The following ADCY10 variants were observed in gnomAD, a reference collection of about 807,000 sequenced individuals.
The protein encoded by ADCY10 is adenylate cyclase 10.
ADCY10 carries 156 observed loss-of-function variants against 183.3 expected under a neutral mutation model. The ratio of observed to expected loss-of-function variants is 0.85; its 90% CI spans 0.75 to 0.97. The LOEUF (loss-of-function observed/expected upper bound fraction) is 0.97. ADCY10 is among the 50% of genes least tolerant of loss of function. The probability of loss-of-function intolerance (pLI) is 0.00; values close to 1 mark genes in which losing one functional copy is unlikely to be tolerated. For missense variants in ADCY10, 1,745 were observed against 1,934.3 expected, an observed-to-expected ratio of 0.90 and a Z score of 1.84; for synonymous variants, 645 against 670.0, an observed-to-expected ratio of 0.96 and a Z score of 0.58.
chr1:167,855,623 T>C (rs951871722), intron 17 of ADCY10, among the ~76,000 whole-genome samples: 10 of 152,172 alleles, frequency 6.6e-5, no homozygotes, highest in African/African-American at 2.4e-4. Flanking sequence ...AAATAGAGCT[T>C]TTCACTAAGC....
At chr1:167,894,501 A>G (rs1668820004) in intron 7 of ADCY10, among the ~76,000 whole-genome samples, 1 of 152,086 alleles carries the variant, frequency 6.6e-6, no homozygotes, top group Non-Finnish European at 1.5e-5. Flanking sequence ...TGATAGTTTT[A>G]TGCTCTAGGA....
chr1:167,869,063 G>A (rs989545746), intron 14 of ADCY10, among the ~76,000 whole-genome samples: 24 of 152,146 alleles, frequency 1.6e-4, no homozygotes, highest in Admixed American at 7.9e-4. Flanking sequence ...TCAAAGGCAA[G>A]TAGTTAAAGA....
chr1:167,880,412 T>C (rs1157495307), intron 10 of ADCY10, 79 bp downstream of exon 10: 1 of 1,120,498 alleles, frequency 8.9e-7, no homozygotes, highest in Non-Finnish European at 1.4e-6. Context: ...CTTCTTTCTT[T>C]CCTGTTCCCT....
At chr1:167,905,573 C>A in intron 1 of ADCY10, among the ~76,000 whole-genome samples, 1 of 150,876 alleles carries the variant, frequency 6.6e-6, no homozygotes. Flanking sequence ...CTCTCTCTAC[C>A]TTGGTCTTTT....
chr1:167,846,097 G>A lies in ADCY10; in HGVS notation c.2604C>T (p.Asn868=). The A allele has an allele frequency of 6.2e-7, 1 of 1,614,180 alleles. No homozygotes were observed. The highest frequency in any genetic ancestry group is 8.5e-7 in the Non-Finnish European group (1 of 1,180,036). Reference sequence around the variant, plus strand: ...TGCCATTCCGGAAACAATAAAAAATGTTAGATTCCACTAGGGTTGCCAGGG... The same window carrying A: ...TGCCATTCCGGAAACAATAAAAAATATTAGATTCCACTAGGGTTGCCAGGG... ...IKTLATLVES[N]IFYCFRNGKE... The change falls in exon 20 of 33, where the codon AAC becomes AAT. Residue 868 remains asparagine (N), a synonymous_variant. Transcript: ENST00000367851.
At chr1:167,863,872 T>C (rs1571337686) in intron 14 of ADCY10, among the ~76,000 whole-genome samples, 1 of 152,222 alleles carries the variant, frequency 6.6e-6, no homozygotes, top group Non-Finnish European at 1.5e-5. Flanking sequence ...CCCACTCCAT[T>C]TGAGTGGAAG....
At chr1:167,850,665 G>A (rs1289789833) in intron 18 of ADCY10, among the ~76,000 whole-genome samples, 1 of 72,554 alleles carries the variant, frequency 1.4e-5, no homozygotes, top group Non-Finnish European at 3.2e-5. Context: ...AGGGGGCCGT[G>A]TGTGTGTGTG....
Position 167,861,069 on chromosome 1 carries a change from T to A in ADCY10, c.1617-6A>T, listed in dbSNP as rs566162437. ...TCAATGAAATGGCAATAATCCTGTTTGTGAGAAAATCAAGAAACAGAAGAG... is the reference window on the plus strand; with the variant it reads ...TCAATGAAATGGCAATAATCCTGTTAGTGAGAAAATCAAGAAACAGAAGAG... On this transcript the variant is annotated splice_region_variant and splice_polypyrimidine_tract_variant and intron_variant, in intron 14 of 32. Coordinates refer to ENST00000367851, the MANE Select transcript of ADCY10 (RefSeq NM_018417.6). 3.1e-6 allele frequency: 5 copies of A among 1,612,948 alleles called. No homozygotes were observed. In the East Asian group the frequency reaches 8.9e-5, roughly 29 times the overall value.
At position 167,845,836 on chromosome 1, in the gene ADCY10, G is replaced by A. The variant is rs1664975869; in HGVS notation, c.2734C>T (p.Gln912Ter). 2 of 1,614,108 alleles carry A rather than the reference G, an allele frequency of 1.2e-6. No homozygotes were observed. The highest frequency in any genetic ancestry group is 2.2e-5 in the East Asian group (1 of 44,884). The change falls in exon 21 of 33, where the codon CAG becomes TAG. Residue 912 changes from glutamine (Q) to a stop codon, truncating the protein, a stop_gained. Transcript: ENST00000367851. LOFTEE classifies it high-confidence loss of function. ...SEGMDHGEEEQLRELENEVIE... is the reference protein window; with the variant it reads ...SEGMDHGEEE ...ACCTCATTCTCCAGTTCACGAAGCT[G>A]TTCCTCTTCACCGTGATCTGGAGAG...
rs1258054428 is a variant in ADCY10, at chr1:167,883,516, A to G, written c.941T>C (p.Ile314Thr). Residue 314 changes from isoleucine to threonine, a missense_variant, in exon 9 of 33, where the codon ATC becomes ACC. Coordinates refer to ENST00000367851, the MANE Select transcript of ADCY10 (RefSeq NM_018417.6). ...AGTGATGTGCATATAGGCATCCTGG[A>G]TGGCTGGGCCTATCTCTTCTGCTTT... Reference protein sequence around the residue: ...QDKAEEIGPAIQDAYMHITSV... With the variant: ...QDKAEEIGPATQDAYMHITSV... 2 of 1,614,256 alleles carry G rather than the reference A, an allele frequency of 1.2e-6. No homozygotes were observed. The highest frequency in any genetic ancestry group is 2.2e-5 in the East Asian group (1 of 44,892).
chr1:167,820,644 A>G (rs894170961), intron 30 of ADCY10: 4 of 159,742 alleles, frequency 2.5e-5, no homozygotes, highest in Admixed American at 6.5e-5. Flanking sequence ...TTTAATAATA[A>G]GAGGGGATTT....
At chr1:167,883,216 T>G (rs1463850393) in intron 9 of ADCY10, among the ~76,000 whole-genome samples, 1 of 152,200 alleles carries the variant, frequency 6.6e-6, no homozygotes, top group Non-Finnish European at 1.5e-5. Context: ...TTTTGCATTT[T>G]TAGTAGAGAC....
At position 167,845,696 on chromosome 1, in the gene ADCY10, T is replaced by G. The variant is rs752913945; in HGVS notation, c.2874A>C (p.Glu958Asp). ...AGTGGTCACATCTGTGGGCATCTTCTTCTAAAAAGCGGGCACATTTCAAGT... is the reference window on the plus strand; with the variant it reads ...AGTGGTCACATCTGTGGGCATCTTCGTCTAAAAAGCGGGCACATTTCAAGT... Reference protein sequence around the residue: ...AMHLKCARFLEEDAHRCDHCR... With the variant: ...AMHLKCARFLDEDAHRCDHCR... The change falls in exon 21 of 33, where the codon GAA (glutamate) becomes GAC (aspartate). Residue 958 changes from glutamate to aspartate, a missense_variant. By Grantham distance (45) the Glu-to-Asp change is conservative. Coordinates refer to ENST00000367851, the MANE Select transcript of ADCY10 (RefSeq NM_018417.6). The G allele has an allele frequency of 3.7e-6, 6 of 1,614,128 alleles. No homozygotes were observed. In the Admixed American group the frequency reaches 8.3e-5, roughly 22 times the overall value.
At position 167,856,459 on chromosome 1, in the gene ADCY10, A is replaced by G; in HGVS notation, c.1897-20T>C. ...CACTATCTGGACAAGATGCAGAAAG[A>G]GAAAGAGAAACACCATAGGACGTCA... On this transcript the variant is annotated intron_variant, in intron 16 of 32. Coordinates refer to ENST00000367851, the MANE Select transcript of ADCY10 (RefSeq NM_018417.6). 1.2e-6 allele frequency: 2 copies of G among 1,613,920 alleles called. No individual in the cohort carries two copies. The highest frequency in any genetic ancestry group is 1.7e-6 in the Non-Finnish European group (2 of 1,179,984).
chr1:167,860,827 C>A, intron 15 of ADCY10, 44 bp downstream of exon 15: 3 of 1,547,948 alleles, frequency 1.9e-6, no homozygotes, highest in Non-Finnish European at 1.8e-6. Flanking sequence ...GTTGCTGTGC[C>A]TGCCCATGGC....
intron 23 of ADCY10, among the ~76,000 whole-genome samples, chr1:167,835,996 GCTGAGAGTCCTCT>G (rs1337077145): frequency 2.6e-5 from 4 of 152,316 alleles, no homozygotes; most frequent in Non-Finnish European, 5.9e-5. Flanking sequence ...GGAAGACTAT[GCTGAGAGTCCTCT>G]CTGCATCATT....
chr1:167,864,844 A>T (rs1002021253), intron 14 of ADCY10, among the ~76,000 whole-genome samples: 2 of 150,144 alleles, frequency 1.3e-5, no homozygotes, highest in Middle Eastern at 3.5e-3. Flanking sequence ...CCAGTAACCC[A>T]CGGATGGCCC....
chr1:167,866,600 C>T (rs969972091), intron 14 of ADCY10, among the ~76,000 whole-genome samples: 1 of 149,998 alleles, frequency 6.7e-6, no homozygotes, highest in African/African-American at 2.4e-5. Flanking sequence ...CAAGGTCTTA[C>T]TCATAGCAAA....
At chr1:167,810,177 CAG>C (rs1662114950) in intron 32 of ADCY10, among the ~76,000 whole-genome samples, 2 of 152,026 alleles carry the variant, frequency 1.3e-5, no homozygotes, top group African/African-American at 2.4e-5. Context: ...CAAAGAAGGG[CAG>C]AGAGAGGGCA....
Sources: gnomAD v4.1 joint callset for allele counts (sites outside exome capture counted in the v4.1 genomes callset) on GRCh38, gnomAD v4.1.1 for gene constraint, MANE v1.5 for transcripts, NCBI Gene and HGNC (gene_info 2026-07-23, HGNC 2026-07-21) for gene names.